The following PI4KA variants were observed in gnomAD, a reference collection of about 807,000 sequenced individuals.
PI4KA encodes PI4-kinase alpha.
Under a neutral mutation model 271.4 loss-of-function variants are expected in PI4KA, and 122 were observed. The observed-to-expected ratio is 0.45, with a 90% CI of 0.39 to 0.52. The LOEUF is 0.52. Ranked by LOEUF, PI4KA falls within the 20% of genes least tolerant of loss-of-function variation. The pLI, the probability that PI4KA is intolerant of heterozygous loss-of-function variation, is 0.00. For synonymous variants in PI4KA, 1,041 were observed against 1,078.8 expected, an observed-to-expected ratio of 0.96 and a Z score of 0.69; for missense variants, 1,969 against 2,769.1, an observed-to-expected ratio of 0.71 and a Z score of 6.48.
intron 23 of PI4KA, among the ~76,000 whole-genome samples, chr22:20,757,209 T>A (rs1041386367): frequency 6.6e-6 from 1 of 152,246 alleles, no homozygotes; most frequent in African/African-American, 2.4e-5. Context: ...TCCAAAGACA[T>A]TTCCTTCTTA....
intron 32 of PI4KA, among the ~76,000 whole-genome samples, chr22:20,740,370 A>G (rs1438177704): frequency 6.6e-6 from 1 of 151,558 alleles, no homozygotes; most frequent in Admixed American, 6.6e-5. Context: ...TCACTAATAT[A>G]TGTGTACCTG....
At chr22:20,846,599 T>C (rs1926288581) in intron 1 of PI4KA, among the ~76,000 whole-genome samples, 2 of 151,904 alleles carry the variant, frequency 1.3e-5, no homozygotes, top group Admixed American at 1.3e-4. Flanking sequence ...TCCCAGCACT[T>C]TGGGAGGCCA....
chr22:20,715,907 T>C (rs972338406), intron 45 of PI4KA, among the ~76,000 whole-genome samples: 8 of 152,144 alleles, frequency 5.3e-5, no homozygotes, highest in African/African-American at 1.9e-4. Flanking sequence ...TTTTGCTTTT[T>C]TGAGATAGAG....
intron 3 of PI4KA, among the ~76,000 whole-genome samples, chr22:20,832,573 C>G (rs1332702296): frequency 6.6e-6 from 1 of 152,154 alleles, no homozygotes; most frequent in African/African-American, 2.4e-5. Flanking sequence ...CCTGCCTCAG[C>G]CACGCAAGTA....
intron 19 of PI4KA, among the ~76,000 whole-genome samples, chr22:20,778,453 G>T (rs1044733329): frequency 2.0e-5 from 3 of 152,078 alleles, no homozygotes; most frequent in African/African-American, 7.2e-5. Flanking sequence ...GCAGTAAGCC[G>T]AGATCGCGCC....
chr22:20,805,627 T>G (rs548253614), intron 10 of PI4KA, among the ~76,000 whole-genome samples: 1 of 151,612 alleles, frequency 6.6e-6, no homozygotes, highest in East Asian at 1.9e-4. Flanking sequence ...GGTCAGGAGA[T>G]CGAGACCATC....
rs199971840 is a variant in PI4KA at position 20,793,178 on chromosome 22, T to C, written c.2328+15A>G. On this transcript the variant is annotated intron_variant, in intron 19 of 54. Coordinates refer to ENST00000255882, the MANE Select transcript of PI4KA (RefSeq NM_058004.4). ...AGTATCTGCAGTTTTTATCATTCAA[T>C]TAATGAATACTCACCACAGCTATTA... 4.4e-5 allele frequency: 64 copies of C among 1,450,094 alleles called. No homozygotes were observed. The African/African-American group carries it at 7.1e-4, about 16-fold the overall frequency. 89.8% of individuals were successfully genotyped at this position (1,450,094 alleles called of 1,614,324 possible).
At chr22:20,754,816 C>T (rs1022142671) in intron 23 of PI4KA, among the ~76,000 whole-genome samples, 19 of 152,236 alleles carry the variant, frequency 1.2e-4, no homozygotes, top group African/African-American at 4.3e-4. Context: ...GGCATGGTAG[C>T]GTGCCACTGT....
chr22:20,787,296 T>A (rs1360426729), intron 19 of PI4KA: 1 of 563,448 alleles, frequency 1.8e-6, no homozygotes, highest in Non-Finnish European at 3.2e-6. Flanking sequence ...AACTGTAGTG[T>A]GTCTGCTGTT....
chr22:20,719,897 G>T (rs1362390780), intron 43 of PI4KA, among the ~76,000 whole-genome samples: 2 of 151,948 alleles, frequency 1.3e-5, no homozygotes, highest in Non-Finnish European at 2.9e-5. Flanking sequence ...GTGGTGGCAG[G>T]CGCCTGTAGT....
At position 20,758,459 on chromosome 22, in the gene PI4KA, C is replaced by CTTT. The variant is rs35401829; in HGVS notation, c.2791+2842_2791+2844dup. On this transcript the variant is annotated intron_variant, in intron 23 of 54. Transcript: ENST00000255882. ...TTTGTGTGTGATTTTTCTTTCTTTT[C>CTTT]TTTTTTTTTTTTTTTTTTGCTCATT... is the stretch of plus-strand genomic sequence containing the variant. 2.1e-3 allele frequency among the ~76,000 whole-genome samples: 179 copies of CTTT among 85,008 alleles called. 3 individuals carry two copies. The highest frequency in any genetic ancestry group is 3.2e-3 in the Admixed American group (20 of 6,332). The allele number at this position is 85,008 out of a possible 152,430, so 55.8% of individuals were successfully genotyped here. A position where few individuals can be genotyped will look rare whatever the true frequency, so the allele number is the denominator to read the frequency against.
chr22:20,813,586 C>A, intron 7 of PI4KA, 80 bp from the exon 8 acceptor site: 1 of 1,298,742 alleles, frequency 7.7e-7, no homozygotes, highest in Middle Eastern at 2.2e-4. Flanking sequence ...CCCCAATAAC[C>A]AACAAAGGTG....
chr22:20,779,361 G>C (rs750892575), intron 19 of PI4KA: 4 of 1,614,096 alleles, frequency 2.5e-6, no homozygotes, highest in South Asian at 2.2e-5. Context: ...CATAACATCT[G>C]CGTGGGGTGG....
Position 20,803,251 on chromosome 22 carries a change from G to C in PI4KA, c.1531C>G (p.Leu511Val), listed in dbSNP as rs1436864110. 8 of 1,614,120 alleles carry C rather than the reference G, an allele frequency of 5.0e-6. No homozygotes were observed. The highest frequency in any genetic ancestry group is 6.8e-6 in the Non-Finnish European group (8 of 1,179,984). The change falls in exon 13 of 55, where the codon CTG (leucine) becomes GTG (valine). Residue 511 changes from leucine to valine, a missense_variant. Transcript: ENST00000255882. ...HSVTPSLRDF[L>V]VIPSPVLVKL... ...ACCAGAACTGGGGACGGGATGACCA[G>C]GAAGTCTCGCAAGGACGGTGTCACA...
intron 7 of PI4KA, among the ~76,000 whole-genome samples, chr22:20,815,148 C>T (rs111939785): frequency 0.042 from 6,388 of 151,794 alleles, 421 homozygotes; most frequent in African/African-American, 0.14. Context: ...TTTGGGAGGC[C>T]GAGGCGGGTG....
At chr22:20,789,108 C>A (rs1164037378) in intron 19 of PI4KA, among the ~76,000 whole-genome samples, 1 of 152,102 alleles carries the variant, frequency 6.6e-6, no homozygotes, top group Non-Finnish European at 1.5e-5. Flanking sequence ...ATCTGTTACT[C>A]AAAGCAGGAG....
chr22:20,764,763 A>G, intron 22 of PI4KA, 54 bp downstream of exon 22: 1 of 1,529,578 alleles, frequency 6.5e-7, no homozygotes, highest in Non-Finnish European at 8.8e-7. Flanking sequence ...CACAAAAATG[A>G]AAACCCTGCT....
At chr22:20,824,480 C>T in intron 3 of PI4KA, 66 bp from the exon 4 acceptor site, 1 of 1,108,800 alleles carries the variant, frequency 9.0e-7, no homozygotes, top group South Asian at 1.4e-5. Flanking sequence ...CTCTGGCCAT[C>T]CAATTCAATA....
intron 2 of PI4KA, among the ~76,000 whole-genome samples, chr22:20,836,983 T>C (rs999704627): frequency 6.6e-6 from 1 of 152,226 alleles, no homozygotes; most frequent in South Asian, 2.1e-4. Context: ...ACAACAATAG[T>C]TTCTTATAAA....
Sources: allele counts gnomAD v4.1 joint callset (sites outside exome capture counted in the v4.1 genomes callset), GRCh38; gene constraint gnomAD v4.1.1; transcripts MANE v1.5; gene names NCBI Gene and HGNC (gene_info 2026-07-23, HGNC 2026-07-21).